The following TOX2 variants were observed in gnomAD, a reference collection of about 807,000 sequenced individuals.
TOX2 encodes the protein granulosa cell HMG box 1.
In TOX2, 15 loss-of-function variants were observed where a neutral mutation model predicts 47.4. That is an observed-to-expected ratio of 0.32 (90% CI 0.21 to 0.49). The LOEUF is 0.49. Ranked by LOEUF, TOX2 falls within the 20% of genes least tolerant of loss-of-function variation. TOX2 has a pLI of 0.99. For synonymous variants in TOX2, 290 were observed against 296.6 expected, an observed-to-expected ratio of 0.98 and a Z score of 0.23; for missense variants, 622 against 673.1, an observed-to-expected ratio of 0.92 and a Z score of 0.84.
intron 3 of TOX2, among the ~76,000 whole-genome samples, chr20:44,016,162 C>G (rs2070874943): frequency 6.6e-6 from 1 of 152,052 alleles, no homozygotes; most frequent in South Asian, 2.1e-4. Context: ...CACTGAGCAC[C>G]TGCTCTGCAG....
intron 1 of TOX2, among the ~76,000 whole-genome samples, chr20:43,927,239 G>A (rs1314112196): frequency 1.3e-5 from 2 of 152,062 alleles, no homozygotes; most frequent in African/African-American, 4.8e-5. Context: ...CATAGTTAAC[G>A]TCCCACTTTC....
chr20:43,919,013 G>A (rs1455991202), intron 1 of TOX2, among the ~76,000 whole-genome samples: 5 of 152,214 alleles, frequency 3.3e-5, no homozygotes, highest in South Asian at 2.1e-4. Flanking sequence ...TAGCATCTCC[G>A]TTCCAGCATC....
intron 2 of TOX2, among the ~76,000 whole-genome samples, chr20:43,999,815 T>C (rs1376246326): frequency 6.6e-6 from 1 of 152,140 alleles, no homozygotes; most frequent in Admixed American, 6.5e-5. Flanking sequence ...CTTCCCAATT[T>C]CCATAAAGCA....
intron 1 of TOX2, among the ~76,000 whole-genome samples, chr20:43,920,447 G>A (rs762339613): frequency 2.0e-5 from 3 of 152,196 alleles, no homozygotes; most frequent in Non-Finnish European, 4.4e-5. Context: ...GCTGCTAATG[G>A]GTCCCATGGA....
At chr20:43,934,798 T>TTGTGTGTGTGTGTGTG (rs148972789) in intron 1 of TOX2, among the ~76,000 whole-genome samples, 6 of 147,748 alleles carry the variant, frequency 4.1e-5, no homozygotes, top group Non-Finnish European at 7.5e-5. Flanking sequence ...GTGTGTGTGT[T>TTGTGTGTGTGTGTGTG]TGTGTGTGTG....
At chr20:44,017,870 G>T (rs988684431) in intron 3 of TOX2, among the ~76,000 whole-genome samples, 4 of 152,176 alleles carry the variant, frequency 2.6e-5, no homozygotes, top group African/African-American at 9.6e-5. Flanking sequence ...CCCAGCCTGG[G>T]CTCTCCATAT....
intron 1 of TOX2, among the ~76,000 whole-genome samples, chr20:43,944,761 CA>C (rs973236694): frequency 2.0e-5 from 3 of 152,134 alleles, no homozygotes; most frequent in African/African-American, 7.2e-5. Context: ...CTGAAATGTC[CA>C]AAAAATTAAA....
At chr20:43,956,656 G>A (rs1484119088) in intron 1 of TOX2, among the ~76,000 whole-genome samples, 1 of 151,474 alleles carries the variant, frequency 6.6e-6, no homozygotes, top group Non-Finnish European at 1.5e-5. Flanking sequence ...ACTGTTTTAA[G>A]CCCTTGAGTG....
chr20:44,041,506 G>A (rs941803929), intron 3 of TOX2, among the ~76,000 whole-genome samples: 2 of 152,126 alleles, frequency 1.3e-5, no homozygotes. Context: ...TGTTTTTGCT[G>A]GTTTTTATCT....
At chr20:43,956,604 T>G (rs889501301) in intron 1 of TOX2, among the ~76,000 whole-genome samples, 1 of 151,296 alleles carries the variant, frequency 6.6e-6, no homozygotes, top group African/African-American at 2.4e-5. Context: ...TATATCACTT[T>G]ACCATCCCCA....
chr20:43,936,362 G>A (rs558353239), intron 1 of TOX2, among the ~76,000 whole-genome samples: 5 of 152,346 alleles, frequency 3.3e-5, no homozygotes, highest in Admixed American at 6.5e-5. Context: ...ATTAGCTCCT[G>A]TATTGGTTGT....
At chr20:43,923,075 T>TG (rs146629010) in intron 1 of TOX2, among the ~76,000 whole-genome samples, 21,095 of 151,584 alleles carry the variant, frequency 0.14, 2,193 homozygotes, top group African/African-American at 0.29. Flanking sequence ...TGTAGAGTGG[T>TG]GGGGGGTGTT....
intron 3 of TOX2, among the ~76,000 whole-genome samples, chr20:44,015,478 T>G (rs922911314): frequency 6.6e-6 from 1 of 152,224 alleles, no homozygotes; most frequent in Non-Finnish European, 1.5e-5. Context: ...GTAACACATT[T>G]ATGTTTCCCA....
At chr20:44,038,617 T>TA (rs1247001326) in intron 3 of TOX2, among the ~76,000 whole-genome samples, 6 of 149,900 alleles carry the variant, frequency 4.0e-5, no homozygotes, top group Non-Finnish European at 5.9e-5. Flanking sequence ...CTGAAGAAAA[T>TA]AAAAAAATTT....
chr20:44,054,229 T>C, intron 4 of TOX2, 70 bp from the exon 5 acceptor site: 1 of 1,498,346 alleles, frequency 6.7e-7, no homozygotes, highest in East Asian at 2.5e-5. Context: ...TCGGCCCAAG[T>C]CTGTGTTGAT....
At chr20:43,987,133 G>A (rs1372907085) in intron 2 of TOX2, among the ~76,000 whole-genome samples, 2 of 152,196 alleles carry the variant, frequency 1.3e-5, no homozygotes, top group African/African-American at 4.8e-5. Context: ...CCCATCAAGA[G>A]TAGACTGGAT....
intron 4 of TOX2, among the ~76,000 whole-genome samples, chr20:44,051,774 A>G (rs1214168717): frequency 1.3e-5 from 2 of 152,240 alleles, no homozygotes; most frequent in East Asian, 1.9e-4. Context: ...CTGGAAGCCA[A>G]GGAAAAAGCA....
At chr20:43,987,063 T>TA (rs1433570160) in intron 2 of TOX2, among the ~76,000 whole-genome samples, 3 of 151,826 alleles carry the variant, frequency 2.0e-5, no homozygotes, top group African/African-American at 4.8e-5. Flanking sequence ...GACTGTTTCT[T>TA]AAAAAAAAGT....
At chr20:44,014,447 G>C (rs1324873777) in intron 3 of TOX2, among the ~76,000 whole-genome samples, 1 of 152,150 alleles carries the variant, frequency 6.6e-6, no homozygotes, top group African/African-American at 2.4e-5. Flanking sequence ...CTACCATGAT[G>C]ACATTTTGGG....
Sources: gnomAD v4.1 joint callset for allele counts (sites outside exome capture counted in the v4.1 genomes callset) on GRCh38, gnomAD v4.1.1 for gene constraint, MANE v1.5 for transcripts, NCBI Gene and HGNC (gene_info 2026-07-23, HGNC 2026-07-21) for gene names.